PRKCA: variants seen among roughly 807,000 people sequenced by gnomAD.
PRKCA encodes the protein protein kinase C alpha type.
PRKCA carries 27 observed loss-of-function variants against 87.0 expected under a neutral mutation model. The ratio of observed to expected loss-of-function variants is 0.31; its 90% CI spans 0.23 to 0.43. PRKCA has a LOEUF of 0.43. Ranked by LOEUF, PRKCA falls within the 20% of genes least tolerant of loss-of-function variation. The pLI is 1.00. For synonymous variants in PRKCA, 329 were observed against 311.1 expected, an observed-to-expected ratio of 1.06 and a Z score of -0.61; for missense variants, 518 against 852.3, an observed-to-expected ratio of 0.61 and a Z score of 4.88.
chr17:66,481,312 C>T (rs780058095), intron 2 of PRKCA, among the ~76,000 whole-genome samples: 2 of 152,128 alleles, frequency 1.3e-5, no homozygotes, highest in African/African-American at 2.4e-5. Context: ...AGCTATTGCT[C>T]GATAAATATT....
chr17:66,422,864 G>T (rs768604687), intron 2 of PRKCA, among the ~76,000 whole-genome samples: 1 of 151,982 alleles, frequency 6.6e-6, no homozygotes, highest in Non-Finnish European at 1.5e-5. Flanking sequence ...TAATCCTAGC[G>T]CTTTGGGAGG....
intron 5 of PRKCA, among the ~76,000 whole-genome samples, chr17:66,656,409 C>A (rs1971734770): frequency 6.6e-6 from 1 of 152,196 alleles, no homozygotes; most frequent in African/African-American, 2.4e-5. Flanking sequence ...ACCCCATTAG[C>A]ATACAGAGAC....
chr17:66,513,474 TA>T (rs1966875989), intron 3 of PRKCA, among the ~76,000 whole-genome samples: 1 of 152,256 alleles, frequency 6.6e-6, no homozygotes, highest in Non-Finnish European at 1.5e-5. Context: ...TTAACTAGAA[TA>T]CTTAACCACT....
intron 3 of PRKCA, among the ~76,000 whole-genome samples, chr17:66,571,749 A>G (rs1402072895): frequency 1.3e-5 from 2 of 152,336 alleles, no homozygotes; most frequent in South Asian, 2.1e-4. Flanking sequence ...CTTCCACGGA[A>G]CCTGAGTCCG....
intron 2 of PRKCA, among the ~76,000 whole-genome samples, chr17:66,378,290 G>A (rs7216209): frequency 0.57 from 87,305 of 152,060 alleles, 25,689 homozygotes; most frequent in Non-Finnish European, 0.65. Context: ...CTCCAGCCTG[G>A]GCGACAGAGC....
chr17:66,428,131 C>T lies in PRKCA; in HGVS notation c.206-68070C>T, dbSNP rs764131013. Among the ~76,000 whole-genome samples the T allele has an allele frequency of 2.0e-4, 30 of 152,252 alleles. 1 individual carries two copies. Among genetic ancestry groups the T allele is most frequent in the Non-Finnish European group, 3.8e-4 (26 of 68,016 alleles). On this transcript the variant is annotated intron_variant, in intron 2 of 16. Transcript: ENST00000413366. The stretch of plus-strand genomic sequence containing the variant: ...TTTTACACAGTAATTGCCCGACTCA[C>T]GTGATTCACTTCGATTCCACTCTCT...
chr17:66,646,009 A>G (rs1743454949), intron 5 of PRKCA, among the ~76,000 whole-genome samples: 1 of 152,204 alleles, frequency 6.6e-6, no homozygotes, highest in Admixed American at 6.5e-5. Context: ...AACTTCACAT[A>G]GATTAGTTAT....
chr17:66,611,878 G>A (rs180829661), intron 3 of PRKCA, among the ~76,000 whole-genome samples: 2 of 152,216 alleles, frequency 1.3e-5, no homozygotes, highest in East Asian at 3.9e-4. Flanking sequence ...ATGCAAAGTG[G>A]TACCTCATTG....
At chr17:66,358,589 G>A (rs1211084980) in intron 2 of PRKCA, among the ~76,000 whole-genome samples, 1 of 150,204 alleles carries the variant, frequency 6.7e-6, no homozygotes, top group Non-Finnish European at 1.5e-5. Context: ...TGTTGACAGT[G>A]TAGCAGCAAA....
At chr17:66,595,275 C>G (rs1471292710) in intron 3 of PRKCA, among the ~76,000 whole-genome samples, 2 of 151,924 alleles carry the variant, frequency 1.3e-5, no homozygotes, top group African/African-American at 4.8e-5. Context: ...TCAAGCAAGC[C>G]TTTCACCTTG....
At chr17:66,721,640 C>T (rs1973619777) in intron 8 of PRKCA, among the ~76,000 whole-genome samples, 1 of 152,008 alleles carries the variant, frequency 6.6e-6, no homozygotes, top group African/African-American at 2.4e-5. Flanking sequence ...GTGGGAGTGT[C>T]TTTTAGCATG....
At chr17:66,585,203 G>A (rs1455501186) in intron 3 of PRKCA, among the ~76,000 whole-genome samples, 1 of 152,128 alleles carries the variant, frequency 6.6e-6, no homozygotes, top group Non-Finnish European at 1.5e-5. Context: ...CTTTTGTTAG[G>A]CAGGTGGGTT....
rs540999286 is a variant in PRKCA, at chr17:66,575,434, G to C, written c.289-65921G>C. 2.0e-5 allele frequency among the ~76,000 whole-genome samples: 3 copies of C among 152,264 alleles called. No individual in the cohort carries two copies. The East Asian group carries it at 5.8e-4, about 30-fold the overall frequency. On this transcript the variant is annotated intron_variant, in intron 3 of 16. Coordinates refer to ENST00000413366, the MANE Select transcript of PRKCA (RefSeq NM_002737.3). ...ATCTCTACTAAAAATACAAAAATTA[G>C]CTGAGCATGGTGGCGCACACCTGTA...
chr17:66,765,948 C>T (rs561820292), intron 13 of PRKCA, among the ~76,000 whole-genome samples: 9 of 152,176 alleles, frequency 5.9e-5, no homozygotes, highest in African/African-American at 2.2e-4. Context: ...TTCAGGACCT[C>T]CCGTGTTATC....
intron 5 of PRKCA, among the ~76,000 whole-genome samples, chr17:66,652,941 G>T (rs911542803): frequency 1.3e-5 from 2 of 152,202 alleles, no homozygotes; most frequent in African/African-American, 4.8e-5. Flanking sequence ...TCAACCCAAC[G>T]CTGTGTTTCC....
intron 2 of PRKCA, among the ~76,000 whole-genome samples, chr17:66,353,297 G>A (rs1046032154): frequency 6.6e-6 from 1 of 152,132 alleles, no homozygotes; most frequent in Non-Finnish European, 1.5e-5. Flanking sequence ...TTTTCTGATT[G>A]CTTTTGGTAA....
In PRKCA at chr17:66,792,202, A is replaced by G. The variant is rs1975556044; in HGVS notation, c.1854+3223A>G. 6.6e-6 allele frequency among the ~76,000 whole-genome samples: 1 copy of G among 152,200 alleles called. No homozygotes were observed. The highest frequency in any genetic ancestry group is 1.5e-5 in the Non-Finnish European group (1 of 68,030). ...CCCTGAGACTTGCAGGCTTAAGGAC[A>G]GGTAGCTGTTCTCACGTGCGGTGAT... On this transcript the variant is annotated intron_variant, in intron 16 of 16. Transcript: ENST00000413366. The surrounding 1 kb of genome is among the most constrained non-coding windows in gnomAD (Gnocchi z 4.5).
intron 2 of PRKCA, among the ~76,000 whole-genome samples, chr17:66,476,947 A>G (rs1283436325): frequency 6.6e-6 from 1 of 152,194 alleles, no homozygotes; most frequent in Non-Finnish European, 1.5e-5. Context: ...TGTCCTTAAC[A>G]ATCCTGCAAG....
intron 3 of PRKCA, among the ~76,000 whole-genome samples, chr17:66,613,186 G>T (rs1293801819): frequency 6.6e-6 from 1 of 152,150 alleles, no homozygotes; most frequent in Non-Finnish European, 1.5e-5. Flanking sequence ...ATGCAGCGGA[G>T]CCTTGACCGC....
Sources: gnomAD v4.1 joint callset for allele counts (sites outside exome capture counted in the v4.1 genomes callset) on GRCh38, gnomAD v4.1.1 for gene constraint, Gnocchi (gnomAD v3.1) non-coding constraint, MANE v1.5 for transcripts, NCBI Gene and HGNC (gene_info 2026-07-23, HGNC 2026-07-21) for gene names.